Variants in FAT3 observed in about 807,000 individuals in gnomAD.
The protein encoded by FAT3 is protocadherin Fat 3.
FAT3 carries 95 observed loss-of-function variants against 310.2 expected under a neutral mutation model. The ratio of observed to expected loss-of-function variants is 0.31; its 90% CI spans 0.26 to 0.36. FAT3 has a LOEUF of 0.36. Ranked by LOEUF, FAT3 falls within the 10% of genes least tolerant of loss-of-function variation. The pLI is 1.00. For synonymous variants in FAT3, 2,314 were observed against 2,192.9 expected (o/e 1.06, Z -1.54); for missense variants, 5,408 against 5,715.6 (o/e 0.95, Z 1.74).
chr11:92,672,660 A>T (rs985953108), intron 3 of FAT3, among the ~76,000 whole-genome samples: 1 of 152,200 alleles, frequency 6.6e-6, no homozygotes, highest in Non-Finnish European at 1.5e-5. Flanking sequence ...GCATATTTAG[A>T]GGCAGGTGAC....
At chr11:92,845,742 G>A (rs1056907446) in intron 19 of FAT3, among the ~76,000 whole-genome samples, 2 of 152,204 alleles carry the variant, frequency 1.3e-5, no homozygotes, top group East Asian at 3.9e-4. Flanking sequence ...ATGGCCAGAG[G>A]GAGGCCATTT....
chr11:92,354,274 A>G lies in FAT3; in HGVS notation c.2162A>G (p.Gln721Arg). 4 of 1,613,740 alleles carry G rather than the reference A, an allele frequency of 2.5e-6. No homozygotes were observed. The East Asian group carries it at 8.9e-5, about 36-fold the overall frequency. ...GFLDFYSINR[Q>R]GPYFDKSFPS... ...CTTGACTTTTATTCAATTAATAGACAGGGACCATATTTTGACAAGTCTTTT... is the reference window on the plus strand; with the variant it reads ...CTTGACTTTTATTCAATTAATAGACGGGGACCATATTTTGACAAGTCTTTT... Residue 721 changes from glutamine (Q) to arginine (R), a missense_variant, in exon 2 of 28, where the codon CAG becomes CGG. By Grantham distance (43) the Gln-to-Arg change is conservative. Transcript: ENST00000525166.
intron 14 of FAT3, among the ~76,000 whole-genome samples, chr11:92,833,415 G>A (rs886562630): frequency 2.0e-5 from 3 of 152,272 alleles, no homozygotes; most frequent in Middle Eastern, 6.8e-3. Context: ...ATTATAATTA[G>A]CAATGTTTAT....
At chr11:92,451,989 T>G (rs375471168) in intron 2 of FAT3, among the ~76,000 whole-genome samples, 1 of 152,210 alleles carries the variant, frequency 6.6e-6, no homozygotes, top group African/African-American at 2.4e-5. Context: ...TCTGATCCTT[T>G]ATGGCACTAT....
chr11:92,635,260 A>T (rs1465009086), intron 3 of FAT3, among the ~76,000 whole-genome samples: 2 of 151,858 alleles, frequency 1.3e-5, no homozygotes, highest in Admixed American at 1.3e-4. Flanking sequence ...TATCACTCTG[A>T]CCTACTCTCC....
At chr11:92,407,028 G>A (rs1178454032) in intron 2 of FAT3, among the ~76,000 whole-genome samples, 1 of 152,100 alleles carries the variant, frequency 6.6e-6, no homozygotes, top group Non-Finnish European at 1.5e-5. Flanking sequence ...CAACAGAAAG[G>A]GGCTATGAGA....
chr11:92,573,701 A>G (rs1397375055), intron 3 of FAT3, among the ~76,000 whole-genome samples: 2 of 152,086 alleles, frequency 1.3e-5, no homozygotes, highest in East Asian at 3.9e-4. Context: ...ATGCAGCCCC[A>G]AGCCACAGAA....
chr11:92,326,984 A>C (rs1280907263), intron 1 of FAT3, among the ~76,000 whole-genome samples: 2 of 152,316 alleles, frequency 1.3e-5, no homozygotes, highest in South Asian at 4.1e-4. Context: ...GGCAACTTGA[A>C]GTTTCCTTTC....
chr11:92,446,683 T>C (rs1247611498), intron 2 of FAT3, among the ~76,000 whole-genome samples: 1 of 152,182 alleles, frequency 6.6e-6, no homozygotes, highest in Non-Finnish European at 1.5e-5. Context: ...CTGTAATACA[T>C]GTTTCCACGC....
intron 21 of FAT3, among the ~76,000 whole-genome samples, chr11:92,861,919 G>A (rs1458789722): frequency 6.6e-6 from 1 of 152,132 alleles, no homozygotes; most frequent in Admixed American, 6.5e-5. Context: ...TGGGGTGAAG[G>A]GCGCCCCTTA....
chr11:92,229,515 T>TTTTTTTTTTTTTTTG (rs1864078847), intron 1 of FAT3, among the ~76,000 whole-genome samples: 1 of 124,592 alleles, frequency 8.0e-6, no homozygotes, highest in Non-Finnish European at 1.7e-5. Context: ...TTGTTTTTTG[T>TTTTTTTTTTTTTTTG]TTTTTTTTAC....
chr11:92,389,892 T>C (rs1341591785), intron 2 of FAT3, among the ~76,000 whole-genome samples: 1 of 152,182 alleles, frequency 6.6e-6, no homozygotes, highest in Non-Finnish European at 1.5e-5. Flanking sequence ...GTCTTATGTA[T>C]GGTCTCTGTC....
At chr11:92,330,629 T>G (rs1947892254) in intron 1 of FAT3, among the ~76,000 whole-genome samples, 1 of 152,212 alleles carries the variant, frequency 6.6e-6, no homozygotes. Context: ...TTCCTTCAGC[T>G]GTATTGCGTG....
chr11:92,625,881 A>C (rs1396379313), intron 3 of FAT3, among the ~76,000 whole-genome samples: 1 of 152,176 alleles, frequency 6.6e-6, no homozygotes, highest in African/African-American at 2.4e-5. Context: ...TGACCCAGAG[A>C]GGAGAATCAC....
chr11:92,344,431 C>A (rs1290566968), intron 1 of FAT3, among the ~76,000 whole-genome samples: 1 of 152,240 alleles, frequency 6.6e-6, no homozygotes, highest in African/African-American at 2.4e-5. Flanking sequence ...ATCACCAATC[C>A]TGGTATTGCA....
chr11:92,478,883 A>C (rs962897858), intron 2 of FAT3, among the ~76,000 whole-genome samples: 1 of 151,124 alleles, frequency 6.6e-6, no homozygotes, highest in South Asian at 2.1e-4. Flanking sequence ...CCCAAAGTGC[A>C]GGGACTACAG....
chr11:92,245,283 T>G (rs1864852300), intron 1 of FAT3, among the ~76,000 whole-genome samples: 1 of 151,282 alleles, frequency 6.6e-6, no homozygotes, highest in African/African-American at 2.4e-5. Flanking sequence ...TAAGTGGGAG[T>G]TGAATAATGA....
At chr11:92,836,514 C>G in intron 15 of FAT3, 52 bp from the exon 16 acceptor site, 2 of 1,589,740 alleles carry the variant, frequency 1.3e-6, no homozygotes. Flanking sequence ...AAGAATCAAC[C>G]TTTGCTGCCT....
In FAT3 at chr11:92,774,823, C is replaced by T. The variant is rs151200983; in HGVS notation, c.4335+643C>T. On this transcript the variant is annotated intron_variant, in intron 7 of 27. Transcript: ENST00000525166. ...CTGACATGCAGCCAGGGTCGAGGAC[C>T]GCTCCTTATACTTTGCAACCTAAGC... 3.4e-3 allele frequency among the ~76,000 whole-genome samples: 522 copies of T among 152,150 alleles called. 2 individuals are homozygous for T. Among genetic ancestry groups the T allele is most frequent in the African/African-American group, 0.012 (488 of 41,520 alleles).
Sources: allele counts gnomAD v4.1 joint callset (sites outside exome capture counted in the v4.1 genomes callset), GRCh38; gene constraint gnomAD v4.1.1; transcripts MANE v1.5; gene names NCBI Gene and HGNC (gene_info 2026-07-23, HGNC 2026-07-21).